The following ADAM12 variants were observed in gnomAD, a reference collection of about 807,000 sequenced individuals.
ADAM12 encodes the protein disintegrin and metalloproteinase domain-containing protein 12.
A neutral mutation model predicts 106.4 loss-of-function variants in ADAM12; 70 were observed. That is an observed-to-expected ratio of 0.66 (90% CI 0.54 to 0.80). The LOEUF (loss-of-function observed/expected upper bound fraction) is 0.80, where lower values mean the gene tolerates loss of function less well. Among genes scored for constraint, ADAM12 ranks in the 30% least tolerant of loss-of-function variants. The pLI is 0.00. For missense variants in ADAM12, 1,010 were observed against 1,171.9 expected (o/e 0.86, Z 2.02); for synonymous variants, 420 against 433.5 (o/e 0.97, Z 0.39).
intron 3 of ADAM12, among the ~76,000 whole-genome samples, chr10:126,158,350 A>ACGGGG (rs71029290): frequency 2.7e-4 from 40 of 146,612 alleles, no homozygotes; most frequent in Non-Finnish European, 3.5e-4. Context: ...TGCACAGAGC[A>ACGGGG]TGAGGGATGC....
chr10:126,360,240 T>A lies in ADAM12; in HGVS notation c.88+27818A>T, dbSNP rs1360316851. Among the ~76,000 whole-genome samples, 4 of 152,360 alleles carry A rather than the reference T, an allele frequency of 2.6e-5. No homozygotes were observed. The South Asian group carries it at 8.3e-4, about 32-fold the overall frequency. On this transcript the variant is annotated intron_variant, in intron 1 of 22. Coordinates refer to ENST00000448723, the MANE Select transcript of ADAM12 (RefSeq NM_001288973.2). ...CCTCTGACTTGCCCTGGAGACATTTTCCCCATTGTCTTGGGATTAACATTT... is the reference window on the plus strand; with the variant it reads ...CCTCTGACTTGCCCTGGAGACATTTACCCCATTGTCTTGGGATTAACATTT...
intron 21 of ADAM12, among the ~76,000 whole-genome samples, chr10:126,034,057 A>G (rs2133394555): frequency 6.6e-6 from 1 of 152,362 alleles, no homozygotes; most frequent in Non-Finnish European, 1.5e-5. Context: ...CTTAGTACAC[A>G]TAAAGGTAGT....
rs193049159 is a variant in ADAM12 at position 126,375,403 on chromosome 10, G to A, written c.88+12655C>T. 4.3e-3 allele frequency among the ~76,000 whole-genome samples: 654 copies of A among 152,094 alleles called. 7 individuals are homozygous for A. The highest frequency in any genetic ancestry group is 0.015 in the African/African-American group (619 of 41,510). ...TTTGATGAGAGATGGGTTTCAAAAT[G>A]GCAGAACTAAAATTCTAGACAATAA... is the stretch of plus-strand genomic sequence containing the variant. On this transcript the variant is annotated intron_variant, in intron 1 of 22. Coordinates refer to ENST00000448723, the MANE Select transcript of ADAM12 (RefSeq NM_001288973.2).
chr10:126,310,887 A>C (rs1190004345), intron 2 of ADAM12, among the ~76,000 whole-genome samples: 1 of 152,090 alleles, frequency 6.6e-6, no homozygotes, highest in Non-Finnish European at 1.5e-5. Flanking sequence ...GGGATGATAC[A>C]TTTTTGTTAA....
chr10:126,321,503 G>A (rs1245027602), intron 2 of ADAM12, among the ~76,000 whole-genome samples: 1 of 152,196 alleles, frequency 6.6e-6, no homozygotes, highest in East Asian at 1.9e-4. Flanking sequence ...TTGAATGAGA[G>A]CTCCCTAAGC....
rs947176980 is a variant in ADAM12 at position 126,132,532 on chromosome 10, C to A, written c.416+3052G>T. Reference sequence around the variant, plus strand: ...AGGAGTGCTGCATGAACACCCCCCCCCCCTCAACTAGTCCAGTCCCAGAAT... The same window carrying A: ...AGGAGTGCTGCATGAACACCCCCCCACCCTCAACTAGTCCAGTCCCAGAAT... On this transcript the variant is annotated intron_variant, in intron 5 of 22. Transcript: ENST00000448723. Among the ~76,000 whole-genome samples, 38 of 141,902 alleles carry A rather than the reference C, an allele frequency of 2.7e-4. 1 individual carries two copies. The highest frequency in any genetic ancestry group is 6.5e-4 in the African/African-American group (25 of 38,298). 93.1% of individuals were successfully genotyped at this position (141,902 alleles called of 152,430 possible). A position where few individuals can be genotyped will look rare whatever the true frequency, so the allele number is the denominator to read the frequency against.
At chr10:126,166,509 T>C (rs894466435) in intron 3 of ADAM12, among the ~76,000 whole-genome samples, 1 of 151,792 alleles carries the variant, frequency 6.6e-6, no homozygotes, top group Non-Finnish European at 1.5e-5. Context: ...TTGTTTTTTG[T>C]TTTTTTTGAG....
chr10:126,023,530 A>G (rs1300261441), intron 21 of ADAM12, among the ~76,000 whole-genome samples: 1 of 152,206 alleles, frequency 6.6e-6, no homozygotes, highest in Non-Finnish European at 1.5e-5. Context: ...GCAGAAACCA[A>G]ATGTCCAAGT....
intron 3 of ADAM12, among the ~76,000 whole-genome samples, chr10:126,160,223 G>A (rs746278754): frequency 2.0e-5 from 3 of 152,156 alleles, no homozygotes; most frequent in Non-Finnish European, 2.9e-5. Flanking sequence ...TGAATGTTAC[G>A]TGCGCTCACC....
intron 5 of ADAM12, among the ~76,000 whole-genome samples, chr10:126,119,620 C>A (rs1956048767): frequency 1.3e-5 from 2 of 152,054 alleles, no homozygotes; most frequent in African/African-American, 2.4e-5. Flanking sequence ...TAAGAAAGAA[C>A]CTTTTGAGCC....
intron 3 of ADAM12, among the ~76,000 whole-genome samples, chr10:126,195,506 C>T (rs1482860962): frequency 6.6e-6 from 1 of 152,100 alleles, no homozygotes; most frequent in Admixed American, 6.6e-5. Context: ...ACCCGGGAGG[C>T]AGAGGTTGCA....
intron 4 of ADAM12, among the ~76,000 whole-genome samples, chr10:126,151,243 A>G (rs150226732): frequency 3.2e-4 from 49 of 152,304 alleles, no homozygotes; most frequent in African/African-American, 1.0e-3. Context: ...AAAATCTATT[A>G]TATGCAAGAT....
intron 3 of ADAM12, among the ~76,000 whole-genome samples, chr10:126,169,789 C>G (rs540106261): frequency 6.6e-6 from 1 of 152,310 alleles, no homozygotes; most frequent in East Asian, 1.9e-4. Context: ...AAAAGTTCAG[C>G]CGACTTATTT....
chr10:126,115,369 A>C (rs1235189997), intron 6 of ADAM12, among the ~76,000 whole-genome samples: 1 of 152,116 alleles, frequency 6.6e-6, no homozygotes, highest in Non-Finnish European at 1.5e-5. Flanking sequence ...GCCGATGGAG[A>C]GGGAAGGAGT....
rs903211759 is a variant in ADAM12, at chr10:126,013,397, G to A, written c.*3882C>T. On this transcript the variant is annotated 3_prime_UTR_variant, in exon 23 of 23. Transcript: ENST00000448723. The surrounding 1 kb of genome is among the most constrained non-coding windows in gnomAD (Gnocchi z 4.3). ...CAATAGGAACTTTAAGGTGAGTCAA[G>A]AGAATTTTGTAATTATAGATAAGTT... 3 of 152,210 alleles carry A rather than the reference G, an allele frequency of 2.0e-5. No individual in the cohort carries two copies. The highest frequency in any genetic ancestry group is 4.4e-5 in the Non-Finnish European group (3 of 68,034). 9.4% of individuals were successfully genotyped at this position (152,210 alleles called of 1,614,324 possible).
intron 3 of ADAM12, among the ~76,000 whole-genome samples, chr10:126,220,405 T>C (rs140664667): frequency 3.1e-4 from 47 of 152,280 alleles, no homozygotes; most frequent in African/African-American, 1.0e-3. Context: ...ATGAGGGTGC[T>C]GTGTCATGTT....
intron 3 of ADAM12, among the ~76,000 whole-genome samples, chr10:126,163,653 C>A (rs966785689): frequency 6.6e-6 from 1 of 152,198 alleles, no homozygotes; most frequent in Non-Finnish European, 1.5e-5. Context: ...CACTCCAAAG[C>A]ATGGGAGAGC....
chr10:126,285,616 C>A (rs1959818264), intron 2 of ADAM12, among the ~76,000 whole-genome samples: 1 of 152,168 alleles, frequency 6.6e-6, no homozygotes, highest in Admixed American at 6.5e-5. Flanking sequence ...TGGAGATAAA[C>A]CCCAAGACTG....
chr10:126,316,394 T>C (rs1185699090), intron 2 of ADAM12, among the ~76,000 whole-genome samples: 2 of 152,192 alleles, frequency 1.3e-5, no homozygotes, highest in African/African-American at 2.4e-5. Flanking sequence ...TCAAAACTCA[T>C]GGAGATAATT....
Sources: allele counts gnomAD v4.1 joint callset (sites outside exome capture counted in the v4.1 genomes callset), GRCh38; gene constraint gnomAD v4.1.1; non-coding constraint Gnocchi (gnomAD v3.1); transcripts MANE v1.5; gene names NCBI Gene and HGNC (gene_info 2026-07-23, HGNC 2026-07-21).